Variants in NUP210L observed in about 807,000 individuals in gnomAD.
NUP210L encodes the protein nucleoporin 210 like, also known as nuclear pore membrane glycoprotein 210-like.
In NUP210L, 74 loss-of-function variants were observed where a neutral mutation model predicts 208.5. That is an observed-to-expected ratio of 0.35 (90% CI 0.29 to 0.43). The LOEUF is 0.43. Ranked by LOEUF, NUP210L falls within the 20% of genes least tolerant of loss-of-function variation. The pLI, the probability that NUP210L is intolerant of heterozygous loss-of-function variation, is 1.00. For synonymous variants in NUP210L, 780 were observed against 816.9 expected, an observed-to-expected ratio of 0.95 and a Z score of 0.77; for missense variants, 1,843 against 2,289.4, an observed-to-expected ratio of 0.81 and a Z score of 3.98.
In NUP210L at chr1:154,036,175, G is replaced by C. The variant is rs953362164; in HGVS notation, c.3697-6121C>G. Among the ~76,000 whole-genome samples, 2 of 151,836 alleles carry C rather than the reference G, an allele frequency of 1.3e-5. 1 individual carries two copies. Among genetic ancestry groups the C allele is most frequent in the African/African-American group, 4.8e-5 (2 of 41,322 alleles). ...CAGGAGCATATTGTTTAATTACCCTGTGTTTGTATAGTTTCCAAAATTCCT... is the reference window on the plus strand; with the variant it reads ...CAGGAGCATATTGTTTAATTACCCTCTGTTTGTATAGTTTCCAAAATTCCT... On this transcript the variant is annotated intron_variant, in intron 27 of 39. Transcript: ENST00000368559.
chr1:154,135,180 G>A (rs1658471373), intron 7 of NUP210L, among the ~76,000 whole-genome samples: 1 of 152,074 alleles, frequency 6.6e-6, no homozygotes, highest in African/African-American at 2.4e-5. Context: ...AAATAGAAAA[G>A]AGAATTAAAT....
At chr1:154,126,348 G>A (rs1194407113) in exon 10 of NUP210L, 2 of 1,612,892 alleles carry the variant, frequency 1.2e-6, no homozygotes, top group Non-Finnish European at 1.7e-6. Context: ...GGTCAGGGAT[G>A]CATTTATTAC....
chr1:154,080,141 C>G (rs1423725324), intron 16 of NUP210L, among the ~76,000 whole-genome samples: 1 of 151,622 alleles, frequency 6.6e-6, no homozygotes, highest in African/African-American at 2.4e-5. Flanking sequence ...GGGTGGATTA[C>G]CTGAGGTCAG....
At chr1:154,109,041 G>A (rs1016363985) in intron 12 of NUP210L, among the ~76,000 whole-genome samples, 5 of 151,582 alleles carry the variant, frequency 3.3e-5, no homozygotes, top group African/African-American at 9.8e-5. Context: ...CAGAGGTTAC[G>A]GTGAGCCGAG....
chr1:154,052,772 G>A (rs1184245167), intron 25 of NUP210L, among the ~76,000 whole-genome samples: 2 of 152,184 alleles, frequency 1.3e-5, no homozygotes, highest in Non-Finnish European at 2.9e-5. Flanking sequence ...AATAATGAAT[G>A]TACTTGTTTG....
chr1:154,132,381 G>A (rs1658304578), intron 7 of NUP210L, among the ~76,000 whole-genome samples: 2 of 152,186 alleles, frequency 1.3e-5, no homozygotes, highest in South Asian at 4.1e-4. Flanking sequence ...GAGGCATAAT[G>A]AAAATTTCTG....
At position 154,070,022 on chromosome 1, in the gene NUP210L, C is replaced by T. The variant is rs919230794; in HGVS notation, c.2554+251G>A. Among the ~76,000 whole-genome samples the T allele has an allele frequency of 7.6e-4, 115 of 151,928 alleles. 1 individual carries two copies. The highest frequency in any genetic ancestry group is 1.9e-4 in the East Asian group (1 of 5,168). On this transcript the variant is annotated intron_variant, in intron 17 of 39. Transcript: ENST00000368559. ...ACAATGAGAACACTTGGACACAGGG[C>T]GGGGAACATCACACACCAGGGCCTA...
chr1:154,111,976 G>A (rs919813706), intron 12 of NUP210L, among the ~76,000 whole-genome samples: 8 of 151,420 alleles, frequency 5.3e-5, no homozygotes, highest in African/African-American at 2.0e-4. Flanking sequence ...TGCCCAGGCT[G>A]GAGTGCAATG....
exon 5 of NUP210L, chr1:154,139,835 A>C: frequency 6.2e-7 from 1 of 1,613,236 alleles, no homozygotes; most frequent in Non-Finnish European, 8.5e-7. Flanking sequence ...GAACTTTTAC[A>C]ACAGCAGCAC....
In NUP210L at chr1:154,104,228, A is replaced by G. The variant is rs776242693; in HGVS notation, c.1621-18T>C. On this transcript the variant is annotated intron_variant, in intron 12 of 39. Transcript: ENST00000368559. Reference sequence around the variant, plus strand: ...ACATGTATCTGGAGGGGAAAAATTCATCTTTCAAGAAAGTTATGTTAAAAA... The same window carrying G: ...ACATGTATCTGGAGGGGAAAAATTCGTCTTTCAAGAAAGTTATGTTAAAAA... 8 of 1,606,368 alleles carry G rather than the reference A, an allele frequency of 5.0e-6. No individual in the cohort carries two copies. Among genetic ancestry groups the G allele is most frequent in the Non-Finnish European group, 6.8e-6 (8 of 1,174,722 alleles).
At chr1:154,078,367 G>A (rs898089262) in intron 16 of NUP210L, among the ~76,000 whole-genome samples, 1 of 152,002 alleles carries the variant, frequency 6.6e-6, no homozygotes, top group African/African-American at 2.4e-5. Context: ...GGCCGAGGTG[G>A]GTGGATCATT....
chr1:154,135,911 G>A (rs3001361), exon 7 of NUP210L: 1,600,305 of 1,608,552 alleles, frequency 0.99, 796,383 homozygotes, highest in East Asian at 1. Flanking sequence ...AATGAGACCC[G>A]TTAAGTGCAA....
chr1:154,106,014 A>G (rs2494666), intron 12 of NUP210L, among the ~76,000 whole-genome samples: 64,736 of 151,930 alleles, frequency 0.43, 15,182 homozygotes, highest in Non-Finnish European at 0.55. Flanking sequence ...TAATCCCAAC[A>G]CTTTGGGAGG....
intron 7 of NUP210L, 81 bp downstream of exon 7, chr1:154,135,733 A>C: frequency 7.6e-7 from 1 of 1,314,890 alleles, no homozygotes; most frequent in Non-Finnish European, 1.1e-6. Context: ...AATCATTCTT[A>C]ATAAATTATT....
Position 154,149,087 on chromosome 1 carries a change from CT to C in NUP210L, c.340+3648del, listed in dbSNP as rs770217261. Among the ~76,000 whole-genome samples, 142 of 119,272 alleles carry C rather than the reference CT, an allele frequency of 1.2e-3. 3 individuals carry two copies. Among genetic ancestry groups the C allele is most frequent in the Admixed American group, 6.8e-3 (66 of 9,640 alleles). 78.2% of individuals were successfully genotyped at this position (119,272 alleles called of 152,430 possible). The stretch of plus-strand genomic sequence containing the variant: ...ACTACTTCAACAGCAGAAAACTTCT[CT>C]TTTTTTTTTTTCCTGAGAAGGAGTT... On this transcript the variant is annotated intron_variant, in intron 2 of 39. Coordinates refer to ENST00000368559, the Ensembl canonical transcript of NUP210L.
At chr1:154,084,435 C>A (rs1018151141) in intron 16 of NUP210L, among the ~76,000 whole-genome samples, 7 of 151,900 alleles carry the variant, frequency 4.6e-5, no homozygotes, top group African/African-American at 1.7e-4. Flanking sequence ...TGGTCTTGAA[C>A]TTCTGACCTC....
intron 25 of NUP210L, among the ~76,000 whole-genome samples, chr1:154,053,290 T>C (rs1282088991): frequency 6.6e-6 from 1 of 152,244 alleles, no homozygotes; most frequent in East Asian, 1.9e-4. Context: ...TCGATGATGA[T>C]TGTGCTTTTA....
At chr1:154,057,112 G>A (rs1653909959) in intron 22 of NUP210L, among the ~76,000 whole-genome samples, 165 bp from the exon 23 acceptor site, 1 of 152,022 alleles carries the variant, frequency 6.6e-6, no homozygotes, top group African/African-American at 2.4e-5. Flanking sequence ...CTGAGTAACT[G>A]GGACTACAGG....
At chr1:154,151,294 T>C (rs1659368198) in intron 2 of NUP210L, among the ~76,000 whole-genome samples, 1 of 148,632 alleles carries the variant, frequency 6.7e-6, no homozygotes, top group Non-Finnish European at 1.5e-5. Flanking sequence ...CATTGATTCT[T>C]AGACACTCGT....
Sources: gnomAD v4.1 joint callset for allele counts (sites outside exome capture counted in the v4.1 genomes callset) on GRCh38, gnomAD v4.1.1 for gene constraint, MANE v1.5 for transcripts, NCBI Gene and HGNC (gene_info 2026-07-23, HGNC 2026-07-21) for gene names.